SPECC1L: variants seen among roughly 807,000 people sequenced by gnomAD.
SPECC1L encodes sperm antigen with calponin homology and coiled-coil domains 1 like.
In SPECC1L, 40 loss-of-function variants were observed where a neutral mutation model predicts 116.8. That is an observed-to-expected ratio of 0.34 (90% CI 0.27 to 0.45). SPECC1L has a LOEUF of 0.45. Among genes scored for constraint, SPECC1L ranks in the 20% least tolerant of loss-of-function variants. The probability of loss-of-function intolerance (pLI) is 1.00; values close to 1 mark genes in which losing one functional copy is unlikely to be tolerated. For missense variants in SPECC1L, 1,110 were observed against 1,373.6 expected, an observed-to-expected ratio of 0.81 and a Z score of 3.03; for synonymous variants, 504 against 500.6, an observed-to-expected ratio of 1.01 and a Z score of -0.09.
At position 24,321,285 on chromosome 22, in the gene SPECC1L, T is replaced by A. The variant is rs752582237; in HGVS notation, c.308-3T>A. ...CCTTACATTTTTTGTATTAAACACA[T>A]AGGCACAGCTTCTTCAACCAAGCGG... On this transcript the variant is annotated splice_polypyrimidine_tract_variant and splice_region_variant and intron_variant, in intron 4 of 16. Coordinates refer to ENST00000314328, the MANE Select transcript of SPECC1L (RefSeq NM_015330.6). 4 of 1,613,558 alleles carry A rather than the reference T, an allele frequency of 2.5e-6. No individual in the cohort carries two copies. Among genetic ancestry groups the A allele is most frequent in the Non-Finnish European group, 3.4e-6 (4 of 1,180,034 alleles).
intron 10 of SPECC1L, among the ~76,000 whole-genome samples, chr22:24,345,399 A>G (rs930393456): frequency 6.6e-6 from 1 of 152,250 alleles, no homozygotes; most frequent in Admixed American, 6.5e-5. Context: ...TAAGACTGCA[A>G]ACATTTATTA....
At chr22:24,369,669 T>G (rs916795759) in intron 14 of SPECC1L, among the ~76,000 whole-genome samples, 5 of 151,982 alleles carry the variant, frequency 3.3e-5, no homozygotes, top group African/African-American at 1.2e-4. Context: ...AAATGATGAG[T>G]CCTATACAAA....
chr22:24,340,076 C>A (rs1319206888), intron 10 of SPECC1L, among the ~76,000 whole-genome samples: 1 of 150,984 alleles, frequency 6.6e-6, no homozygotes, highest in Non-Finnish European at 1.5e-5. Flanking sequence ...TGAGCTACCA[C>A]GCCTGACATT....
At chr22:24,336,780 A>G (rs2041068811) in intron 9 of SPECC1L, among the ~76,000 whole-genome samples, 1 of 152,180 alleles carries the variant, frequency 6.6e-6, no homozygotes, top group African/African-American at 2.4e-5. Flanking sequence ...ACTCCTAATT[A>G]TATATTCAAA....
intron 11 of SPECC1L, among the ~76,000 whole-genome samples, chr22:24,355,496 T>A (rs952271599): frequency 9.9e-5 from 15 of 152,020 alleles, no homozygotes; most frequent in African/African-American, 3.6e-4. Context: ...TCTAACTATC[T>A]TATTTGTCTG....
chr22:24,366,261 C>T (rs976718801), intron 13 of SPECC1L, among the ~76,000 whole-genome samples: 4 of 151,846 alleles, frequency 2.6e-5, no homozygotes, highest in Non-Finnish European at 5.9e-5. Context: ...GGCGCGATCT[C>T]GGCTCACTGC....
intron 13 of SPECC1L, among the ~76,000 whole-genome samples, chr22:24,368,081 C>T (rs955133705): frequency 6.6e-6 from 1 of 152,116 alleles, no homozygotes; most frequent in Non-Finnish European, 1.5e-5. Context: ...ATTGCAAAAC[C>T]TTTTTTGATT....
At chr22:24,410,705 C>T (rs946153693) in intron 14 of SPECC1L, among the ~76,000 whole-genome samples, 8 of 152,148 alleles carry the variant, frequency 5.3e-5, no homozygotes, top group African/African-American at 9.7e-5. Context: ...GACCAATGCT[C>T]AGGGGGCCAC....
rs2042779677 is a variant in SPECC1L at position 24,415,246 on chromosome 22, G to A, written c.*623G>A. 6.4e-6 allele frequency: 1 copy of A among 156,514 alleles called. No individual in the cohort carries two copies. The highest frequency in any genetic ancestry group is 1.9e-4 in the South Asian group (1 of 5,258). The allele number at this position is 156,514 out of a possible 1,614,324, so 9.7% of individuals were successfully genotyped here. A position where few individuals can be genotyped will look rare whatever the true frequency, so the allele number is the denominator to read the frequency against. ...GCTAGGAGAGTATCTAGAGGGCGTG[G>A]TGCGGGCACGCCAGGGCTGGGGTGC... is the stretch of plus-strand genomic sequence containing the variant. On this transcript the variant is annotated 3_prime_UTR_variant, in exon 17 of 17. Transcript: ENST00000314328.
chr22:24,383,496 A>G (rs1445581196), intron 14 of SPECC1L, among the ~76,000 whole-genome samples: 1 of 152,212 alleles, frequency 6.6e-6, no homozygotes. Flanking sequence ...GTAACAAGAA[A>G]AGAAGAGGTG....
chr22:24,344,390 A>C (rs1485271049), intron 10 of SPECC1L, among the ~76,000 whole-genome samples: 1 of 152,116 alleles, frequency 6.6e-6, no homozygotes, highest in African/African-American at 2.4e-5. Flanking sequence ...CTATTTGACA[A>C]AATTTTACAT....
intron 2 of SPECC1L, among the ~76,000 whole-genome samples, chr22:24,301,422 A>G (rs1460049820): frequency 6.6e-6 from 1 of 152,206 alleles, no homozygotes; most frequent in Admixed American, 6.5e-5. Context: ...TGACAATGTC[A>G]TGAGTTGAAA....
chr22:24,341,761 T>C (rs1441900791), intron 10 of SPECC1L, among the ~76,000 whole-genome samples: 3 of 152,224 alleles, frequency 2.0e-5, no homozygotes, highest in African/African-American at 7.2e-5. Flanking sequence ...CAAAAAGCTT[T>C]GCTTCTGCCT....
chr22:24,308,408 A>G (rs1443732359), intron 3 of SPECC1L, among the ~76,000 whole-genome samples: 1 of 152,250 alleles, frequency 6.6e-6, no homozygotes, highest in African/African-American at 2.4e-5. Flanking sequence ...AGCGAAAGGC[A>G]GTTATTTGAT....
intron 14 of SPECC1L, among the ~76,000 whole-genome samples, chr22:24,390,782 T>G (rs543652966): frequency 1.3e-5 from 2 of 151,184 alleles, no homozygotes; most frequent in East Asian, 1.9e-4. Context: ...GGCCAAGAGC[T>G]TCACATTTCT....
intron 1 of SPECC1L, among the ~76,000 whole-genome samples, chr22:24,275,860 C>T (rs528510326): frequency 3.5e-4 from 53 of 152,218 alleles, no homozygotes; most frequent in Non-Finnish European, 6.5e-4. Flanking sequence ...AGGCCCGCAC[C>T]AGCACACCTG....
chr22:24,302,834 G>T (rs187884305), intron 3 of SPECC1L, among the ~76,000 whole-genome samples: 2 of 152,174 alleles, frequency 1.3e-5, no homozygotes, highest in African/African-American at 4.8e-5. Context: ...TGTGAGCCAA[G>T]TCTGGCAGTC....
rs1164768995 is a variant in SPECC1L at position 24,313,600 on chromosome 22, C to G, written c.307+134C>G. 2.5e-5 allele frequency: 25 copies of G among 990,606 alleles called. No individual in the cohort carries two copies. The South Asian group carries it at 3.4e-4, about 13-fold the overall frequency. 61.4% of individuals were successfully genotyped at this position (990,606 alleles called of 1,614,324 possible). ...AAAGTAGATGGATTGATATTTCAGC[C>G]CAATACGCTCATCACCATTATCAAC... On this transcript the variant is annotated intron_variant, in intron 4 of 16. Coordinates refer to ENST00000314328, the MANE Select transcript of SPECC1L (RefSeq NM_015330.6).
intron 13 of SPECC1L, 145 bp downstream of exon 13, chr22:24,365,777 A>C: frequency 1.2e-6 from 1 of 837,704 alleles, no homozygotes; most frequent in Non-Finnish European, 1.9e-6. Flanking sequence ...TTATATCCAG[A>C]ATTGAGTAAA....
Sources: gnomAD v4.1 joint callset for allele counts (sites outside exome capture counted in the v4.1 genomes callset) on GRCh38, gnomAD v4.1.1 for gene constraint, MANE v1.5 for transcripts, NCBI Gene and HGNC (gene_info 2026-07-23, HGNC 2026-07-21) for gene names.